NRG2: variants seen among roughly 807,000 people sequenced by gnomAD.
NRG2 encodes neuregulin 2, also known as pro-neuregulin-2, membrane-bound isoform.
NRG2 carries 27 observed loss-of-function variants against 73.9 expected under a neutral mutation model. The ratio of observed to expected loss-of-function variants is 0.37; its 90% CI spans 0.27 to 0.50. The LOEUF (loss-of-function observed/expected upper bound fraction) is 0.50, where lower values mean the gene tolerates loss of function less well. NRG2 is among the 20% of genes least tolerant of loss of function. The pLI is 0.96. For missense variants in NRG2, 1,126 were observed against 1,210.1 expected (o/e 0.93, Z 1.03); for synonymous variants, 532 against 541.0 (o/e 0.98, Z 0.23).
chr5:140,029,974 T>G (rs1761007675), intron 1 of NRG2, among the ~76,000 whole-genome samples: 1 of 152,142 alleles, frequency 6.6e-6, no homozygotes, highest in African/African-American at 2.4e-5. Context: ...CTGGGTCAAC[T>G]GCAAGCCAAC....
At chr5:139,920,466 C>T (rs1751576800) in intron 1 of NRG2, among the ~76,000 whole-genome samples, 1 of 151,830 alleles carries the variant, frequency 6.6e-6, no homozygotes, top group Admixed American at 6.6e-5. Context: ...GAGAAGACTT[C>T]CCAGTATAAA....
intron 4 of NRG2, among the ~76,000 whole-genome samples, chr5:139,866,370 G>A (rs1762472248): frequency 6.6e-6 from 1 of 152,176 alleles, no homozygotes. Context: ...CTTCACCATG[G>A]ATGTTGTTTT....
In NRG2 at chr5:139,913,549, A is replaced by G. The variant is rs552248815; in HGVS notation, c.701-26038T>C. ...GGCTCCCCCGGCAGCCAGAGGATTC[A>G]TAGCTGAATGGCCTGAGGGGTCCCT... On this transcript the variant is annotated intron_variant, in intron 1 of 9. Coordinates refer to ENST00000361474, the MANE Select transcript of NRG2 (RefSeq NM_004883.3). 4.6e-5 allele frequency among the ~76,000 whole-genome samples: 7 copies of G among 152,312 alleles called. 1 individual carries two copies. The highest frequency in any genetic ancestry group is 1.7e-4 in the African/African-American group (7 of 41,576).
At chr5:139,999,307 T>C (rs1758259759) in intron 1 of NRG2, among the ~76,000 whole-genome samples, 1 of 152,250 alleles carries the variant, frequency 6.6e-6, no homozygotes, top group Non-Finnish European at 1.5e-5. Context: ...CCAATTCTTG[T>C]ATTAGATTCT....
At chr5:139,893,302 C>T (rs1054075010) in intron 1 of NRG2, among the ~76,000 whole-genome samples, 1 of 152,136 alleles carries the variant, frequency 6.6e-6, no homozygotes, top group African/African-American at 2.4e-5. Context: ...AACAATATTG[C>T]AATGAATTTC....
intron 1 of NRG2, among the ~76,000 whole-genome samples, chr5:139,960,947 A>T (rs575124027): frequency 1.3e-5 from 2 of 151,994 alleles, no homozygotes; most frequent in South Asian, 4.2e-4. Flanking sequence ...TCCTCCATGA[A>T]CTCTGAAGAA....
chr5:140,023,879 AG>A (rs1760444772), intron 1 of NRG2, among the ~76,000 whole-genome samples: 1 of 152,154 alleles, frequency 6.6e-6, no homozygotes, highest in Non-Finnish European at 1.5e-5. Context: ...CCAGCCCTGT[AG>A]CAAAATTGGT....
chr5:139,976,789 C>A (rs563259336), intron 1 of NRG2, among the ~76,000 whole-genome samples: 1 of 152,226 alleles, frequency 6.6e-6, no homozygotes, highest in Non-Finnish European at 1.5e-5. Context: ...TAGGTTATTA[C>A]TTATGTACAT....
At chr5:139,855,265 C>A (rs1338948720) in intron 6 of NRG2, among the ~76,000 whole-genome samples, 1 of 152,212 alleles carries the variant, frequency 6.6e-6, no homozygotes, top group Non-Finnish European at 1.5e-5. Flanking sequence ...TGACGGGGCA[C>A]CTGCTCCAGG....
At position 139,887,285 on chromosome 5, in the gene NRG2, C is replaced by T; in HGVS notation, c.872+55G>A. On this transcript the variant is annotated intron_variant, in intron 2 of 9. Coordinates refer to ENST00000361474, the MANE Select transcript of NRG2 (RefSeq NM_004883.3). This position sits in a 1 kb window ranked among gnomAD's most constrained non-coding sequence, Gnocchi z 4.5. ...CTCTGCCCAGTTCAGGCCACTCCTT[C>T]TCGAGAGGAGGGAGGGCAGCTGCTT... 1.9e-6 allele frequency: 3 copies of T among 1,594,830 alleles called. No homozygotes were observed. The highest frequency in any genetic ancestry group is 2.6e-6 in the Non-Finnish European group (3 of 1,167,764).
chr5:139,999,702 C>T (rs1210257275), intron 1 of NRG2, among the ~76,000 whole-genome samples: 1 of 152,206 alleles, frequency 6.6e-6, no homozygotes, highest in Non-Finnish European at 1.5e-5. Flanking sequence ...ACAGTCTTTA[C>T]AAGGAGCATC....
chr5:139,875,281 G>T (rs966153946), intron 3 of NRG2, among the ~76,000 whole-genome samples: 1 of 152,182 alleles, frequency 6.6e-6, no homozygotes, highest in Non-Finnish European at 1.5e-5. Context: ...AAAATGCTAG[G>T]ATTACAGGCT....
rs778762394 is a variant in NRG2 at position 140,043,096 on chromosome 5, C to T, written c.-27G>A. 1.3e-5 allele frequency: 20 copies of T among 1,569,514 alleles called. No homozygotes were observed. The South Asian group carries it at 2.0e-4, about 16-fold the overall frequency. ...TGGCCAGGCCATTTGGGGGGCTCCG[C>T]CGCTCAGCCGCCGCCGCCTTGGGAG... On this transcript the variant is annotated 5_prime_UTR_variant, in exon 1 of 10. Coordinates refer to ENST00000361474, the MANE Select transcript of NRG2 (RefSeq NM_004883.3). The surrounding 1 kb of genome is among the most constrained non-coding windows in gnomAD (Gnocchi z 6.7).
chr5:140,028,931 A>G (rs746742293), intron 1 of NRG2, among the ~76,000 whole-genome samples: 2 of 152,180 alleles, frequency 1.3e-5, no homozygotes, highest in Non-Finnish European at 2.9e-5. Context: ...CTGTGAGGAA[A>G]CCCAGGCAAG....
Position 139,880,925 on chromosome 5 carries a change from C to T in NRG2, c.922G>A (p.Glu308Lys). The T allele has an allele frequency of 6.2e-7, 1 of 1,614,196 alleles. No homozygotes were observed. Among genetic ancestry groups the T allele is most frequent in the Non-Finnish European group, 8.5e-7 (1 of 1,180,010 alleles). Residue 308 changes from glutamate to lysine, a missense_variant, in exon 3 of 10, where the codon GAG becomes AAG. Glu to Lys is a moderately conservative substitution (Grantham distance 56). This residue lies in a region of NRG2 where 539 missense variants were observed against 703.2 expected (regional missense o/e 0.77). Coordinates refer to ENST00000361474, the MANE Select transcript of NRG2 (RefSeq NM_004883.3). ...FNKVKVEDAG[E>K]YVCEAENILG... ...ATGTTCTCGGCCTCGCAGACATACT[C>T]CCCAGCGTCCTCCACCTTCACCTTG...
At chr5:139,932,012 T>G (rs1480786058) in intron 1 of NRG2, among the ~76,000 whole-genome samples, 1 of 152,224 alleles carries the variant, frequency 6.6e-6, no homozygotes, top group Non-Finnish European at 1.5e-5. Context: ...ACGGCCATTA[T>G]GGAAAACAAT....
At chr5:140,006,367 A>G (rs1561747135) in intron 1 of NRG2, among the ~76,000 whole-genome samples, 1 of 152,242 alleles carries the variant, frequency 6.6e-6, no homozygotes, top group Non-Finnish European at 1.5e-5. Flanking sequence ...TGGCGTAACC[A>G]TTCTGGAGGG....
chr5:139,912,949 G>A (rs1750952196), intron 1 of NRG2, among the ~76,000 whole-genome samples: 1 of 152,088 alleles, frequency 6.6e-6, no homozygotes, highest in Admixed American at 6.5e-5. Context: ...CCAGCTCTAG[G>A]ACCTTTGTTC....
intron 3 of NRG2, among the ~76,000 whole-genome samples, chr5:139,873,206 C>T (rs1004560408): frequency 6.6e-6 from 1 of 152,214 alleles, no homozygotes; most frequent in African/African-American, 2.4e-5. Context: ...ATCCCCTCCA[C>T]ATCATGCCTG....
Sources: gnomAD v4.1 joint callset for allele counts (sites outside exome capture counted in the v4.1 genomes callset) on GRCh38, gnomAD v4.1.1 for gene constraint, gnomAD v4.1.1 regional missense constraint, Gnocchi (gnomAD v3.1) non-coding constraint, MANE v1.5 for transcripts, NCBI Gene and HGNC (gene_info 2026-07-23, HGNC 2026-07-21) for gene names.